TCF20: variants seen among roughly 807,000 people sequenced by gnomAD.
TCF20 encodes transcription factor 20, also known as SPRE-binding protein.
TCF20 carries 3 observed loss-of-function variants against 148.6 expected under a neutral mutation model. The ratio of observed to expected loss-of-function variants is 0.02; its 90% CI spans 0.01 to 0.05. TCF20 has a LOEUF of 0.05. TCF20 is among the 10% of genes least tolerant of loss of function. The pLI, the probability that TCF20 is intolerant of heterozygous loss-of-function variation, is 1.00. For synonymous variants in TCF20, 1,049 were observed against 909.5 expected (o/e 1.15, Z -2.76); for missense variants, 2,350 against 2,429.3 (o/e 0.97, Z 0.69).
In TCF20 at chr22:42,161,012, C is replaced by T. The variant is rs1724702436; in HGVS notation, c.*391G>A. 1 of 243,988 alleles carries T rather than the reference C, an allele frequency of 4.1e-6. No individual in the cohort carries two copies. Among genetic ancestry groups the T allele is most frequent in the Non-Finnish European group, 7.8e-6 (1 of 127,770 alleles). The allele number at this position is 243,988 out of a possible 1,614,324, so 15.1% of individuals were successfully genotyped here. A position where few individuals can be genotyped will look rare whatever the true frequency, so the allele number is the denominator to read the frequency against. ...TAAAACAGAATCAAAAGGGATAGCG[C>T]ACCTTTCATTTAAACAAAGTCTTTC... On this transcript the variant is annotated 3_prime_UTR_variant, in exon 6 of 6. Transcript: ENST00000677622.
rs1921303267 is a variant in TCF20, at chr22:42,213,650, G to A, written c.1656C>T (p.Ala552=). The change falls in exon 2 of 6, where the codon GCC becomes GCT. Residue 552 remains alanine, a synonymous_variant. Coordinates refer to ENST00000677622, the MANE Select transcript of TCF20 (RefSeq NM_001378418.1). ...TSSDTTYKGG[A]SEKAGSSPAQ... ...CCGGTGAGGAGCCAGCTTTCTCAGA[G>A]GCTCCACCCTTGTAGGTGGTGTCAG... 6.2e-7 allele frequency: 1 copy of A among 1,614,078 alleles called. No individual in the cohort carries two copies. The highest frequency in any genetic ancestry group is 1.1e-5 in the South Asian group (1 of 91,076).
chr22:42,331,559 C>G (rs1927975571), intron 1 of TCF20, among the ~76,000 whole-genome samples: 1 of 152,280 alleles, frequency 6.6e-6, no homozygotes, highest in South Asian at 2.1e-4. Flanking sequence ...TCTTCCTGCC[C>G]TTGAGGCCCA....
At chr22:42,258,272 C>T (rs370391464) in intron 1 of TCF20, among the ~76,000 whole-genome samples, 92 of 152,124 alleles carry the variant, frequency 6.0e-4, no homozygotes, top group African/African-American at 1.8e-3. Context: ...ACCTCCCCCC[C>T]CTTCCCTAGG....
intron 1 of TCF20, among the ~76,000 whole-genome samples, chr22:42,334,638 A>G (rs1010320439): frequency 6.6e-6 from 1 of 152,238 alleles, no homozygotes; most frequent in African/African-American, 2.4e-5. Flanking sequence ...TGGCAGACAC[A>G]CTGGCGCCTG....
At chr22:42,178,617 G>A (rs1327222816) in intron 3 of TCF20, among the ~76,000 whole-genome samples, 3 of 119,216 alleles carry the variant, frequency 2.5e-5, no homozygotes, top group Non-Finnish European at 3.3e-5. Context: ...TTGAGACAGA[G>A]TCTCACTCTG....
At chr22:42,283,694 C>T (rs1013637203) in intron 1 of TCF20, among the ~76,000 whole-genome samples, 11 of 151,736 alleles carry the variant, frequency 7.2e-5, no homozygotes, top group African/African-American at 2.4e-4. Flanking sequence ...TGCCCTGGCC[C>T]GGCGCGGCCC....
At chr22:42,188,990 AGAGT>A (rs972967344) in intron 2 of TCF20, among the ~76,000 whole-genome samples, 14 of 152,326 alleles carry the variant, frequency 9.2e-5, no homozygotes, top group African/African-American at 2.9e-4. Flanking sequence ...TGAGTCATAA[AGAGT>A]GAGTAAGAGC....
intron 2 of TCF20, among the ~76,000 whole-genome samples, chr22:42,185,086 G>A (rs991734266): frequency 2.6e-5 from 4 of 152,194 alleles, no homozygotes; most frequent in Non-Finnish European, 4.4e-5. Flanking sequence ...TTTCTTATGA[G>A]ATATAACAGC....
chr22:42,190,481 C>CCT (rs1177158769), intron 2 of TCF20, among the ~76,000 whole-genome samples: 3 of 152,086 alleles, frequency 2.0e-5, no homozygotes, highest in Non-Finnish European at 2.9e-5. Flanking sequence ...CACACACACC[C>CCT]TGCACATACT....
intron 1 of TCF20, among the ~76,000 whole-genome samples, chr22:42,319,548 A>G (rs1193601077): frequency 6.6e-6 from 1 of 152,188 alleles, no homozygotes; most frequent in Admixed American, 6.5e-5. Context: ...TCCCAGTAAA[A>G]TAGGACATTA....
chr22:42,214,163 G>C lies in TCF20; in HGVS notation c.1143C>G (p.Ser381Arg), dbSNP rs1355148089. The change falls in exon 2 of 6, where the codon AGC becomes AGG. Residue 381 changes from serine to arginine, a missense_variant. Ser to Arg is a moderately radical substitution (Grantham distance 110). Transcript: ENST00000677622. The stretch of plus-strand genomic sequence containing the variant: ...TGAGAGGAGATGGGGTAGAACTACA[G>C]CTTGGAGACTGAACCACAGAGGCAG... ...SPAASVVQSP[S>R]CSSTPSPLMQ... is the part of the protein sequence containing the mutation. 6.2e-7 allele frequency: 1 copy of C among 1,614,104 alleles called. No homozygotes were observed. The highest frequency in any genetic ancestry group is 1.3e-5 in the African/African-American group (1 of 74,924).
chr22:42,163,283 T>C (rs1406675750), intron 5 of TCF20, among the ~76,000 whole-genome samples: 2 of 152,216 alleles, frequency 1.3e-5, no homozygotes, highest in Non-Finnish European at 2.9e-5. Context: ...GGCCCCTCCC[T>C]GGGGCGCGTG....
chr22:42,185,316 C>T (rs1026282794), intron 2 of TCF20, among the ~76,000 whole-genome samples: 10 of 152,230 alleles, frequency 6.6e-5, no homozygotes, highest in African/African-American at 2.4e-4. Context: ...TCCATCTCCC[C>T]TAAACTGTGA....
chr22:42,312,787 C>A (rs1927559499), intron 1 of TCF20, among the ~76,000 whole-genome samples: 1 of 152,130 alleles, frequency 6.6e-6, no homozygotes, highest in South Asian at 2.1e-4. Flanking sequence ...TCCCTGGAAG[C>A]TCATAGAGTA....
chr22:42,273,127 A>AGGG (rs35219812), upstream of TCF20, among the ~76,000 whole-genome samples: 177 of 152,072 alleles, frequency 1.2e-3, no homozygotes, highest in East Asian at 5.0e-3. Context: ...TGGGAGGCCA[A>AGGG]GGGGGGTGTA....
rs2147001965 is a variant in TCF20, at chr22:42,270,452, T to G, written c.-150A>C. Among the ~76,000 whole-genome samples the G allele has an allele frequency of 7.2e-6, 1 of 139,272 alleles. No homozygotes were observed. Among genetic ancestry groups the G allele is most frequent in the South Asian group, 2.4e-4 (1 of 4,222 alleles). The allele number at this position is 139,272 out of a possible 152,430, so 91.4% of individuals were successfully genotyped here. A position where few individuals can be genotyped will look rare whatever the true frequency, so the allele number is the denominator to read the frequency against. On this transcript the variant is annotated 5_prime_UTR_variant, in exon 1 of 6. Transcript: ENST00000677622. The stretch of plus-strand genomic sequence containing the variant: ...TGGGGGTGGGGGTGGCTCCGCCGCC[T>G]CCAGCTCGGGCGCCCGGGCCGGCGG...
rs1927256597 is a variant in TCF20 at position 42,297,436 on chromosome 22, G to T, written c.-37+46043C>A. Reference sequence around the variant, plus strand: ...CACTGGTTGTGCCTTCTTTTTACCAGCAACAAGAACTCATCAGAGCCCCTC... The same window carrying T: ...CACTGGTTGTGCCTTCTTTTTACCATCAACAAGAACTCATCAGAGCCCCTC... On this transcript the variant is annotated intron_variant, in intron 1 of 1. Coordinates refer to the TCF20 transcript ENST00000515426. The surrounding 1 kb of genome is among the most constrained non-coding windows in gnomAD (Gnocchi z 4.3). 6.6e-6 allele frequency among the ~76,000 whole-genome samples: 1 copy of T among 152,182 alleles called. No homozygotes were observed. Among genetic ancestry groups the T allele is most frequent in the African/African-American group, 2.4e-5 (1 of 41,458 alleles).
intron 2 of TCF20, among the ~76,000 whole-genome samples, chr22:42,191,319 T>C (rs1221812720): frequency 6.6e-6 from 1 of 152,198 alleles, no homozygotes; most frequent in Non-Finnish European, 1.5e-5. Flanking sequence ...AGATGGAGTC[T>C]CACTCTGTTG....
At chr22:42,205,962 C>T (rs912690292) in intron 2 of TCF20, among the ~76,000 whole-genome samples, 2 of 152,028 alleles carry the variant, frequency 1.3e-5, no homozygotes, top group Non-Finnish European at 2.9e-5. Context: ...TTAGTAGACA[C>T]GGGGTTTGAC....
Sources: allele counts gnomAD v4.1 joint callset (sites outside exome capture counted in the v4.1 genomes callset), GRCh38; gene constraint gnomAD v4.1.1; non-coding constraint Gnocchi (gnomAD v3.1); transcripts MANE v1.5; gene names NCBI Gene and HGNC (gene_info 2026-07-23, HGNC 2026-07-21).